DNAL1: variants seen among roughly 807,000 people sequenced by gnomAD.
The protein encoded by DNAL1 is dynein axonemal light chain 1, also known as chromosome 14 open reading frame 168.
DNAL1 carries 17 observed loss-of-function variants against 29.4 expected under a neutral mutation model. The observed-to-expected ratio is 0.58, with a 90% confidence interval of 0.40 to 0.87. The LOEUF (loss-of-function observed/expected upper bound fraction) is 0.87, where lower values mean the gene tolerates loss of function less well. DNAL1 is among the 40% of genes least tolerant of loss of function. The probability of loss-of-function intolerance (pLI) is 0.00; values close to 1 mark genes in which losing one functional copy is unlikely to be tolerated. For missense variants in DNAL1, 188 were observed against 214.1 expected, an observed-to-expected ratio of 0.88 and a Z score of 0.76; for synonymous variants, 78 against 76.3, an observed-to-expected ratio of 1.02 and a Z score of -0.12.
chr14:73,671,566 G>A lies in DNAL1; in HGVS notation c.233G>A (p.Gly78Glu). 1 of 1,489,440 alleles carries A rather than the reference G, an allele frequency of 6.7e-7. No individual in the cohort carries two copies. The highest frequency in any genetic ancestry group is 9.0e-7 in the Non-Finnish European group (1 of 1,114,124). The allele number at this position is 1,489,440 out of a possible 1,614,324, so 92.3% of individuals were successfully genotyped here. Residue 78 changes from glycine (G) to glutamate (E), a missense_variant, in exon 5 of 8, where the codon GGA becomes GAA. Coordinates refer to ENST00000553645, the MANE Select transcript of DNAL1 (RefSeq NM_031427.4). ...GLKNLRILSLGRNNIKNLNGL... is the reference protein window; with the variant it reads ...GLKNLRILSLERNNIKNLNGL... ...GAAAACTTGAGGATATTATCTTTAG[G>A]AAGAAACAACATAAAGAACTTAAAT...
rs1252926286 is a variant in DNAL1, at chr14:73,701,342, A to C, written c.*5400A>C. 6.6e-6 allele frequency: 1 copy of C among 152,130 alleles called. No individual in the cohort carries two copies. The highest frequency in any genetic ancestry group is 1.5e-5 in the Non-Finnish European group (1 of 68,032). 9.4% of individuals were successfully genotyped at this position (152,130 alleles called of 1,614,324 possible). On this transcript the variant is annotated 3_prime_UTR_variant, in exon 8 of 8. Coordinates refer to ENST00000553645, the MANE Select transcript of DNAL1 (RefSeq NM_031427.4). ...GCCTGCACTTGGATGTTAGAGAATC[A>C]AACCTCACCCTTGCTCGTTCTAAAC...
chr14:73,657,656 C>T (rs897196309), intron 2 of DNAL1, among the ~76,000 whole-genome samples: 3 of 152,184 alleles, frequency 2.0e-5, no homozygotes, highest in South Asian at 2.1e-4. Context: ...TACAATGGCA[C>T]GATCTCAGCT....
chr14:73,680,782 C>G (rs1448601493), intron 5 of DNAL1, among the ~76,000 whole-genome samples: 1 of 152,068 alleles, frequency 6.6e-6, no homozygotes, highest in African/African-American at 2.4e-5. Context: ...CTTACACAAA[C>G]CTAGATGGTA....
chr14:73,653,916 GA>G (rs1455119561), intron 1 of DNAL1, among the ~76,000 whole-genome samples: 3 of 151,920 alleles, frequency 2.0e-5, no homozygotes, highest in Admixed American at 6.6e-5. Flanking sequence ...GTTTTACTAA[GA>G]AAAAAATGGT....
intron 3 of DNAL1, among the ~76,000 whole-genome samples, chr14:73,661,668 C>T (rs113064072): frequency 2.0e-5 from 3 of 151,888 alleles, no homozygotes; most frequent in Non-Finnish European, 4.4e-5. Flanking sequence ...TTGCTTGAAC[C>T]GGGGAGGTGG....
At chr14:73,683,300 T>C (rs1250095361) in intron 5 of DNAL1, among the ~76,000 whole-genome samples, 1 of 152,192 alleles carries the variant, frequency 6.6e-6, no homozygotes, top group Non-Finnish European at 1.5e-5. Context: ...CATAAGTGTA[T>C]GTGTTATGCG....
chr14:73,679,241 G>A (rs907197435), intron 5 of DNAL1, among the ~76,000 whole-genome samples: 1 of 152,090 alleles, frequency 6.6e-6, no homozygotes, highest in Non-Finnish European at 1.5e-5. Flanking sequence ...TGATCCGCCT[G>A]CCTCACCCTC....
intron 5 of DNAL1, among the ~76,000 whole-genome samples, chr14:73,682,866 G>GTTTTTT (rs1566889194): frequency 1.8e-5 from 2 of 113,812 alleles, no homozygotes; most frequent in African/African-American, 7.4e-5. Context: ...CTGTTTTATA[G>GTTTTTT]TTATTTTTTT....
At chr14:73,681,728 G>C (rs2140053084) in intron 5 of DNAL1, among the ~76,000 whole-genome samples, 1 of 148,474 alleles carries the variant, frequency 6.7e-6, no homozygotes, top group South Asian at 2.1e-4. Context: ...CCAGGAGTTA[G>C]AGTTTGCAGT....
intron 4 of DNAL1, among the ~76,000 whole-genome samples, chr14:73,662,401 C>G (rs1891377213): frequency 6.6e-6 from 1 of 152,178 alleles, no homozygotes; most frequent in Admixed American, 6.5e-5. Context: ...TCCTTATCCT[C>G]GTTAATGACA....
At chr14:73,646,414 A>G (rs1890977758) in intron 1 of DNAL1, among the ~76,000 whole-genome samples, 1 of 152,206 alleles carries the variant, frequency 6.6e-6, no homozygotes, top group South Asian at 2.1e-4. Flanking sequence ...TATACTGAAT[A>G]CTGTAGGCAG....
intron 5 of DNAL1, among the ~76,000 whole-genome samples, chr14:73,685,910 C>T (rs1274031169): frequency 1.3e-5 from 2 of 152,126 alleles, no homozygotes; most frequent in African/African-American, 4.8e-5. Context: ...ACCAATATCT[C>T]GAGATCCCAC....
chr14:73,649,456 G>C (rs1377272977), intron 1 of DNAL1, among the ~76,000 whole-genome samples: 1 of 149,890 alleles, frequency 6.7e-6, no homozygotes, highest in South Asian at 2.1e-4. Context: ...CACATTTTTT[G>C]TATTTTTAGT....
At chr14:73,650,992 T>C (rs1891101193) in intron 1 of DNAL1, among the ~76,000 whole-genome samples, 1 of 152,222 alleles carries the variant, frequency 6.6e-6, no homozygotes, top group African/African-American at 2.4e-5. Flanking sequence ...ACTTTTTCCA[T>C]GCTTATTGAA....
rs56225198 is a variant in DNAL1, at chr14:73,694,237, T to TATAAATAAATAAATAA, written c.533-1627_533-1612dup. Among the ~76,000 whole-genome samples, 423 of 128,118 alleles carry TATAAATAAATAAATAA rather than the reference T, an allele frequency of 3.3e-3. 4 individuals are homozygous for TATAAATAAATAAATAA. Among genetic ancestry groups the TATAAATAAATAAATAA allele is most frequent in the East Asian group, 0.01 (43 of 4,208 alleles). 84.1% of individuals were successfully genotyped at this position (128,118 alleles called of 152,430 possible). On this transcript the variant is annotated intron_variant, in intron 7 of 7. Coordinates refer to ENST00000553645, the MANE Select transcript of DNAL1 (RefSeq NM_031427.4). ...CCTGGGCAACATAGCAAGCCCTGTC[T>TATAAATAAATAAATAA]ATAAATAAATAAATAAATAAATAAA...
chr14:73,677,774 G>A (rs1002522440), intron 5 of DNAL1, among the ~76,000 whole-genome samples: 1 of 150,664 alleles, frequency 6.6e-6, no homozygotes, highest in African/African-American at 2.4e-5. Context: ...AGCCAGGATG[G>A]TCTCGATCTC....
At position 73,687,277 on chromosome 14, in the gene DNAL1, T is replaced by G; in HGVS notation, c.283T>G (p.Leu95Val). ...LNGLEAVGDT[L>V]EELWISYNFI... The stretch of plus-strand genomic sequence containing the variant: ...TTTTCAGGAGGCAGTAGGGGACACA[T>G]TAGAAGAACTGTGGATCTCCTACAA... Residue 95 changes from leucine to valine, a missense_variant, in exon 6 of 8, where the codon TTA becomes GTA. Physicochemically the swap from Leu to Val is conservative, Grantham distance 32. Coordinates refer to ENST00000553645, the MANE Select transcript of DNAL1 (RefSeq NM_031427.4). 6.2e-7 allele frequency: 1 copy of G among 1,612,770 alleles called. No homozygotes were observed. The highest frequency in any genetic ancestry group is 8.5e-7 in the Non-Finnish European group (1 of 1,179,658).
chr14:73,693,925 G>A (rs957216361), intron 7 of DNAL1, among the ~76,000 whole-genome samples: 3 of 151,896 alleles, frequency 2.0e-5, no homozygotes, highest in South Asian at 2.1e-4. Flanking sequence ...TGTATGTTGC[G>A]CGTCAACAAA....
intron 1 of DNAL1, among the ~76,000 whole-genome samples, chr14:73,649,569 A>G (rs113279636): frequency 0.23 from 34,227 of 151,980 alleles, 5,033 homozygotes; most frequent in Non-Finnish European, 0.33. Flanking sequence ...GGTGTGAGCC[A>G]CCGCGCCCGG....
Sources: allele counts gnomAD v4.1 joint callset (sites outside exome capture counted in the v4.1 genomes callset), GRCh38; gene constraint gnomAD v4.1.1; transcripts MANE v1.5; gene names NCBI Gene and HGNC (gene_info 2026-07-23, HGNC 2026-07-21).